LRRC46: variants seen among roughly 807,000 people sequenced by gnomAD.
The protein encoded by LRRC46 is leucine rich repeat containing 46.
Under a neutral mutation model 28.0 loss-of-function variants are expected in LRRC46, and 20 were observed. The observed-to-expected ratio is 0.71, with a 90% CI of 0.50 to 1.04. The LOEUF is 1.04. Ranked by LOEUF, LRRC46 falls within the 50% of genes least tolerant of loss-of-function variation. The probability of loss-of-function intolerance (pLI) is 0.00; values close to 1 mark genes in which losing one functional copy is unlikely to be tolerated. For missense variants in LRRC46, 315 were observed against 390.1 expected, an observed-to-expected ratio of 0.81 and a Z score of 1.62; for synonymous variants, 156 against 158.8, an observed-to-expected ratio of 0.98 and a Z score of 0.13.
At position 47,836,288 on chromosome 17, in the gene LRRC46, G is replaced by T. The variant is rs373525707; in HGVS notation, c.453-45G>T. ...TGGTGCGTGTCTTTGCATCCTCCAC[G>T]CCAGGGTGCCCTCCTGGGTAACCTC... On this transcript the variant is annotated intron_variant, in intron 6 of 7. Coordinates refer to ENST00000269025, the MANE Select transcript of LRRC46 (RefSeq NM_033413.4). This position sits in a 1 kb window ranked among gnomAD's most constrained non-coding sequence, Gnocchi z 5.8. The T allele has an allele frequency of 1.2e-6, 2 of 1,609,306 alleles. No homozygotes were observed. The highest frequency in any genetic ancestry group is 1.7e-6 in the Non-Finnish European group (2 of 1,177,938).
chr17:47,832,021 T>C, intron 1 of LRRC46, 22 bp downstream of exon 1: 2 of 1,613,402 alleles, frequency 1.2e-6, no homozygotes, highest in Non-Finnish European at 1.7e-6. Flanking sequence ...GGTGGGACGG[T>C]GGGTAGAGCA....
intron 2 of LRRC46, among the ~76,000 whole-genome samples, chr17:47,833,623 TG>T (rs775891485): frequency 6.6e-6 from 1 of 151,828 alleles, no homozygotes; most frequent in Non-Finnish European, 1.5e-5. Flanking sequence ...TAATTTTTTT[TG>T]TATTTTTAGT....
At chr17:47,834,325 C>T (rs1157559759) in intron 2 of LRRC46, 100 bp from the exon 3 acceptor site, 1 of 901,076 alleles carries the variant, frequency 1.1e-6, no homozygotes, top group Non-Finnish European at 1.7e-6. Context: ...CAGCCAACTA[C>T]CCCTCCTTGA....
rs202104159 is a variant in LRRC46 at position 47,836,147 on chromosome 17, C to T, written c.452+45C>T. ...AAGAAAGGTCATGGCTGAGCTCTAC[C>T]TGCTAACTCAGCCCAGACCCCTCTC... On this transcript the variant is annotated intron_variant, in intron 6 of 7. Coordinates refer to ENST00000269025, the MANE Select transcript of LRRC46 (RefSeq NM_033413.4). The surrounding 1 kb of genome is among the most constrained non-coding windows in gnomAD (Gnocchi z 5.8). 3 of 1,603,110 alleles carry T rather than the reference C, an allele frequency of 1.9e-6. No individual in the cohort carries two copies. Among genetic ancestry groups the T allele is most frequent in the Non-Finnish European group, 1.7e-6 (2 of 1,170,086 alleles).
chr17:47,836,853 C>G lies in LRRC46; in HGVS notation c.699C>G (p.Leu233=), dbSNP rs2033704719. 6.2e-7 allele frequency: 1 copy of G among 1,613,986 alleles called. No individual in the cohort carries two copies. Among genetic ancestry groups the G allele is most frequent in the Non-Finnish European group, 8.5e-7 (1 of 1,180,008 alleles). ...HLLRMEMQPT[L]TDLPLLPGVP... ...TGAGGATGGAGATGCAGCCCACCCT[C>G]ACCGACCTGCCCCTGCTACCTGGGG... Residue 233 remains leucine, a synonymous_variant, in exon 8 of 8, where the codon CTC becomes CTG. Coordinates refer to ENST00000269025, the MANE Select transcript of LRRC46 (RefSeq NM_033413.4). This position sits in a 1 kb window ranked among gnomAD's most constrained non-coding sequence, Gnocchi z 5.8.
intron 4 of LRRC46, 34 bp downstream of exon 4, chr17:47,835,433 G>T: frequency 6.2e-7 from 1 of 1,612,188 alleles, no homozygotes. Flanking sequence ...AGGGGAAGAG[G>T]GGTTGGGGGA....
rs561046015 is a variant in LRRC46 at position 47,837,348 on chromosome 17, G to A, written c.*228G>A. On this transcript the variant is annotated 3_prime_UTR_variant, in exon 8 of 8. Transcript: ENST00000269025. The stretch of plus-strand genomic sequence containing the variant: ...CTAAAGAGCGAGTCTGGAATCTTTC[G>A]GGAGCTACCCACAGGGCAGGCATGC... 4.4e-5 allele frequency: 26 copies of A among 593,852 alleles called. No individual in the cohort carries two copies. In the East Asian group the frequency reaches 5.2e-4, roughly 12 times the overall value. The allele number at this position is 593,852 out of a possible 1,614,324, so 36.8% of individuals were successfully genotyped here. A position where few individuals can be genotyped will look rare whatever the true frequency, so the allele number is the denominator to read the frequency against.
rs1421874359 is a variant in LRRC46, at chr17:47,835,377, C to T, written c.250C>T (p.Leu84=). The change falls in exon 4 of 8, where the codon CTG becomes TTG. Residue 84 remains leucine (L), a synonymous_variant. Transcript: ENST00000269025. ...QGNKIQQIEN[L]ACIPSLRFLS... ...GAATAAGATCCAGCAAATTGAGAACCTGGCTTGCATCCCCTCCTTGCGGTA... is the reference window on the plus strand; with the variant it reads ...GAATAAGATCCAGCAAATTGAGAACTTGGCTTGCATCCCCTCCTTGCGGTA... 6.2e-7 allele frequency: 1 copy of T among 1,614,184 alleles called. No homozygotes were observed. Among genetic ancestry groups the T allele is most frequent in the Admixed American group, 1.7e-5 (1 of 60,026 alleles).
In LRRC46 at chr17:47,837,201, C is replaced by T. The variant is rs2033710198; in HGVS notation, c.*81C>T. The stretch of plus-strand genomic sequence containing the variant: ...AGACCTCTGACCTGTGACAGAAGCC[C>T]ATCCCCAGTAAAGTGTCTCTAGGCC... On this transcript the variant is annotated 3_prime_UTR_variant, in exon 8 of 8. Coordinates refer to ENST00000269025, the MANE Select transcript of LRRC46 (RefSeq NM_033413.4). 6.5e-7 allele frequency: 1 copy of T among 1,550,340 alleles called. No homozygotes were observed. The highest frequency in any genetic ancestry group is 1.2e-5 in the South Asian group (1 of 82,368).
In LRRC46 at chr17:47,836,994, G is replaced by A. The variant is rs189310030; in HGVS notation, c.840G>A (p.Leu280=). ...CTCCCACCAAGAAACCATGCAGTCT[G>A]ATTCCCAGGGGCCACCAAAGCTCTT... ...ASSPTKKPCS[L]IPRGHQSSFW... Residue 280 remains leucine, a synonymous_variant, in exon 8 of 8, where the codon CTG becomes CTA. Coordinates refer to ENST00000269025, the MANE Select transcript of LRRC46 (RefSeq NM_033413.4). The surrounding 1 kb of genome is among the most constrained non-coding windows in gnomAD (Gnocchi z 5.8). 3 of 1,612,996 alleles carry A rather than the reference G, an allele frequency of 1.9e-6. No individual in the cohort carries two copies. Among genetic ancestry groups the A allele is most frequent in the African/African-American group, 1.3e-5 (1 of 74,874 alleles).
Position 47,836,795 on chromosome 17 carries a change from A to T in LRRC46, c.641A>T (p.His214Leu), listed in dbSNP as rs757722583. The T allele has an allele frequency of 1.2e-5, 19 of 1,613,804 alleles. No homozygotes were observed. The highest frequency in any genetic ancestry group is 1.4e-5 in the Non-Finnish European group (17 of 1,179,954). ...CAGGAGCTGAGCAGGCACAGGGAGC[A>T]CCGGCAACAGACGGCCCTGACAGAG... ...LEQELSRHREHRQQTALTEHL... is the reference protein window; with the variant it reads ...LEQELSRHRELRQQTALTEHL... The change falls in exon 8 of 8, where the codon CAC (histidine) becomes CTC (leucine). Residue 214 changes from histidine to leucine, a missense_variant. His to Leu is a moderately conservative substitution (Grantham distance 99). Transcript: ENST00000269025. The surrounding 1 kb of genome is among the most constrained non-coding windows in gnomAD (Gnocchi z 5.8).
In LRRC46 at chr17:47,836,506, C is replaced by T; in HGVS notation, c.595+31C>T. The T allele has an allele frequency of 1.2e-6, 2 of 1,610,304 alleles. No homozygotes were observed. Among genetic ancestry groups the T allele is most frequent in the Middle Eastern group, 1.7e-4 (1 of 5,984 alleles). ...CCTGCTTTCCAAGGTTTTCAGCCTC[C>T]CCAGAGCCCACCTCTGCCCTGTGGG... is the stretch of plus-strand genomic sequence containing the variant. On this transcript the variant is annotated intron_variant, in intron 7 of 7. Transcript: ENST00000269025. The surrounding 1 kb of genome is among the most constrained non-coding windows in gnomAD (Gnocchi z 5.8).
Position 47,834,533 on chromosome 17 carries a change from G to T in LRRC46, c.225G>T (p.Gly75=). The T allele has an allele frequency of 6.3e-7, 1 of 1,597,454 alleles. No individual in the cohort carries two copies. Among genetic ancestry groups the T allele is most frequent in the Non-Finnish European group, 8.6e-7 (1 of 1,165,598 alleles). The part of the protein sequence containing the change: ...LQNLHSLYLQ[G]NKIQQIENLA... The stretch of plus-strand genomic sequence containing the variant: ...ATCTTCACAGTCTCTATCTGCAAGG[G>T]GTAACTTCTTTCTCCACCCTTCCCC... Residue 75 remains glycine, a splice_region_variant and synonymous_variant, in exon 3 of 8, where the codon GGG becomes GGT. Transcript: ENST00000269025.
At chr17:47,835,229 A>T (rs763568550) in intron 3 of LRRC46, 124 bp from the exon 4 acceptor site, 11 of 971,966 alleles carry the variant, frequency 1.1e-5, no homozygotes, top group Non-Finnish European at 1.5e-5. Context: ...GAGTGGGGTG[A>T]TCATTCCCAA....
chr17:47,831,944 T>A lies in LRRC46; in HGVS notation c.-46T>A. 6.2e-7 allele frequency: 1 copy of A among 1,612,488 alleles called. No homozygotes were observed. ...CCTTAGGGGCCGCCAAGACCTCTCT[T>A]TTCGTTCCTCTCCCGCCTCAGACCA... On this transcript the variant is annotated 5_prime_UTR_variant, in exon 1 of 8. Transcript: ENST00000269025.
At chr17:47,832,690 CAA>C (rs954044645) in intron 2 of LRRC46, among the ~76,000 whole-genome samples, 1 of 152,166 alleles carries the variant, frequency 6.6e-6, no homozygotes, top group African/African-American at 2.4e-5. Context: ...CTAAAACAAA[CAA>C]AAAGTAAAGT....
chr17:47,831,897 C>G lies in LRRC46; in HGVS notation c.-93C>G. 6.5e-7 allele frequency: 1 copy of G among 1,542,698 alleles called. No individual in the cohort carries two copies. ...TAAGTCTCTGAGTTTCTCTCTCCTCCTGCCATCCTGAGTTCTGCCATCCTT... is the reference window on the plus strand; with the variant it reads ...TAAGTCTCTGAGTTTCTCTCTCCTCGTGCCATCCTGAGTTCTGCCATCCTT... On this transcript the variant is annotated 5_prime_UTR_variant, in exon 1 of 8. Transcript: ENST00000269025.
chr17:47,833,829 C>A lies in LRRC46; in HGVS notation c.117-596C>A, dbSNP rs941966778. 9.6e-6 allele frequency: 5 copies of A among 521,242 alleles called. No homozygotes were observed. The African/African-American group carries it at 1.0e-4, about 11-fold the overall frequency. The allele number at this position is 521,242 out of a possible 1,614,324, so 32.3% of individuals were successfully genotyped here. ...GCAGTGGCATAATCATGGCACACTG[C>A]AGCCTCGACCTCCTGGGCTCGAGCG... On this transcript the variant is annotated intron_variant, in intron 2 of 7. Transcript: ENST00000269025.
In LRRC46 at chr17:47,837,227, C is replaced by A; in HGVS notation, c.*107C>A. On this transcript the variant is annotated 3_prime_UTR_variant, in exon 8 of 8. Coordinates refer to ENST00000269025, the MANE Select transcript of LRRC46 (RefSeq NM_033413.4). Reference sequence around the variant, plus strand: ...ATCCCCAGTAAAGTGTCTCTAGGCCCTGAGTATGCTTTTCATGTCACTTGG... The same window carrying A: ...ATCCCCAGTAAAGTGTCTCTAGGCCATGAGTATGCTTTTCATGTCACTTGG... 1.4e-6 allele frequency: 2 copies of A among 1,441,886 alleles called. No individual in the cohort carries two copies. Among genetic ancestry groups the A allele is most frequent in the Non-Finnish European group, 1.9e-6 (2 of 1,072,994 alleles). 89.3% of individuals were successfully genotyped at this position (1,441,886 alleles called of 1,614,324 possible).
Sources: allele counts gnomAD v4.1 joint callset (sites outside exome capture counted in the v4.1 genomes callset), GRCh38; gene constraint gnomAD v4.1.1; non-coding constraint Gnocchi (gnomAD v3.1); transcripts MANE v1.5; gene names NCBI Gene and HGNC (gene_info 2026-07-23, HGNC 2026-07-21).